Variants in ZC3H12D observed in about 807,000 individuals in gnomAD.
The protein encoded by ZC3H12D is probable ribonuclease ZC3H12D.
ZC3H12D carries 11 observed loss-of-function variants against 24.2 expected under a neutral mutation model. The ratio of observed to expected loss-of-function variants is 0.46; its 90% CI spans 0.29 to 0.75. ZC3H12D has a LOEUF of 0.75. Among genes scored for constraint, ZC3H12D ranks in the 30% least tolerant of loss-of-function variants. The probability of loss-of-function intolerance (pLI) is 0.11; values close to 1 mark genes in which losing one functional copy is unlikely to be tolerated. For missense variants in ZC3H12D, 740 were observed against 767.7 expected, an observed-to-expected ratio of 0.96 and a Z score of 0.43; for synonymous variants, 333 against 341.8, an observed-to-expected ratio of 0.97 and a Z score of 0.28.
At chr6:149,482,364 T>C (rs1458546603) in intron 1 of ZC3H12D, among the ~76,000 whole-genome samples, 1 of 152,234 alleles carries the variant, frequency 6.6e-6, no homozygotes, top group Non-Finnish European at 1.5e-5. Context: ...TCCTTCCTAT[T>C]TTGAAGACCT....
Position 149,456,637 on chromosome 6 carries a change from C to CCGGGG in ZC3H12D, c.680+28_680+29insCCCCG. ...CCCGGCCCCCCGCCCCGCCGCCCCCCAGGGTGTCAGGACCCCAGCCGGACC... is the reference window on the plus strand; with the variant it reads ...CCCGGCCCCCCGCCCCGCCGCCCCCCCGGGGAGGGTGTCAGGACCCCAGCCGGACC... On this transcript the variant is annotated intron_variant, in intron 4 of 5. Transcript: ENST00000409806. This position sits in a 1 kb window ranked among gnomAD's most constrained non-coding sequence, Gnocchi z 4.3. 1 of 1,554,914 alleles carries CCGGGG rather than the reference C, an allele frequency of 6.4e-7. No homozygotes were observed. Among genetic ancestry groups the CCGGGG allele is most frequent in the South Asian group, 1.1e-5 (1 of 89,992 alleles).
Position 149,474,230 on chromosome 6 carries a change from G to A in ZC3H12D, c.305+9C>T, listed in dbSNP as rs1776293580. The A allele has an allele frequency of 6.8e-7, 1 of 1,470,216 alleles. No individual in the cohort carries two copies. The highest frequency in any genetic ancestry group is 9.1e-7 in the Non-Finnish European group (1 of 1,101,050). The allele number at this position is 1,470,216 out of a possible 1,614,324, so 91.1% of individuals were successfully genotyped here. ...CCCCAGCCCCAGCTACAGGATGAAG[G>A]GAAGCTACCTCATCGCCACGTTGCT... On this transcript the variant is annotated intron_variant, in intron 2 of 5. Transcript: ENST00000409806.
At chr6:149,469,195 A>C (rs377172441) in intron 2 of ZC3H12D, among the ~76,000 whole-genome samples, 6 of 152,132 alleles carry the variant, frequency 3.9e-5, no homozygotes, top group Admixed American at 6.5e-5. Flanking sequence ...CGATGGCTCA[A>C]GCCTGTAATC....
rs1733757289 is a variant in ZC3H12D, at chr6:149,456,722, G to C, written c.624C>G (p.Pro208=). The change falls in exon 4 of 6, where the codon CCC becomes CCG. Residue 208 remains proline, a synonymous_variant. Transcript: ENST00000409806. This position sits in a 1 kb window ranked among gnomAD's most constrained non-coding sequence, Gnocchi z 4.3. ...DNYRDLQSEN[P]EWKWFIEQRL... is the part of the protein sequence containing the mutation. ...TCTGCTCGATGAACCACTTCCACTC[G>C]GGGTTCTCGCTCTGCAGGTCCCGGT... 1.2e-6 allele frequency: 2 copies of C among 1,613,520 alleles called. No homozygotes were observed. The highest frequency in any genetic ancestry group is 1.7e-6 in the Non-Finnish European group (2 of 1,179,704).
chr6:149,461,352 A>G (rs112282169), intron 3 of ZC3H12D, among the ~76,000 whole-genome samples: 24 of 147,426 alleles, frequency 1.6e-4, no homozygotes, highest in African/African-American at 4.1e-4. Flanking sequence ...AAAAAAAAAA[A>G]AAGAAGAAGA....
At chr6:149,480,151 A>G (rs138334532) in intron 1 of ZC3H12D, among the ~76,000 whole-genome samples, 1 of 152,344 alleles carries the variant, frequency 6.6e-6, no homozygotes, top group Non-Finnish European at 1.5e-5. Context: ...AGCTCTATGA[A>G]AACAAAATAA....
intron 2 of ZC3H12D, among the ~76,000 whole-genome samples, chr6:149,470,344 A>G (rs1776224828): frequency 6.6e-6 from 1 of 152,094 alleles, no homozygotes; most frequent in African/African-American, 2.4e-5. Context: ...TGGGCAACAC[A>G]GTGAGACTGT....
At chr6:149,478,829 TG>T in intron 1 of ZC3H12D, among the ~76,000 whole-genome samples, 1 of 152,126 alleles carries the variant, frequency 6.6e-6, no homozygotes, top group South Asian at 2.1e-4. Context: ...ACCTGATGAC[TG>T]TAACAGCCTC....
intron 1 of ZC3H12D, among the ~76,000 whole-genome samples, chr6:149,482,360 C>T (rs565405868): frequency 7.2e-5 from 11 of 152,380 alleles, no homozygotes; most frequent in African/African-American, 2.6e-4. Context: ...TTCCTCCTTC[C>T]TATTTTGAAG....
Position 149,450,943 on chromosome 6 carries a change from G to A in ZC3H12D, c.1324C>T (p.Arg442Cys), listed in dbSNP as rs771482475. 4.6e-6 allele frequency: 7 copies of A among 1,537,420 alleles called. No individual in the cohort carries two copies. In the East Asian group the frequency reaches 9.8e-5, roughly 21 times the overall value. Residue 442 changes from arginine (R) to cysteine (C), a missense_variant, in exon 6 of 6, where the codon CGC becomes TGC. Transcript: ENST00000409806. ...GAGCGCCCAGGGAAGCGGTCGGAGC[G>A]GGGTGGACGGGCCCACGGGTCGTCG... ...PPDDPWARPP[R>C]SDRFPGRSVW...
intron 4 of ZC3H12D, among the ~76,000 whole-genome samples, chr6:149,453,760 G>A (rs529897492): frequency 6.6e-6 from 1 of 152,172 alleles, no homozygotes; most frequent in Non-Finnish European, 1.5e-5. Flanking sequence ...CTCCAGAAAA[G>A]CCAGGAGTGG....
chr6:149,447,658 T>C lies in ZC3H12D; in HGVS notation c.*3025A>G, dbSNP rs1775806541. The C allele has an allele frequency of 6.6e-6, 1 of 152,242 alleles. No homozygotes were observed. Among genetic ancestry groups the C allele is most frequent in the Admixed American group, 6.5e-5 (1 of 15,284 alleles). 9.4% of individuals were successfully genotyped at this position (152,242 alleles called of 1,614,324 possible). A position where few individuals can be genotyped will look rare whatever the true frequency, so the allele number is the denominator to read the frequency against. On this transcript the variant is annotated 3_prime_UTR_variant, in exon 6 of 6. Coordinates refer to ENST00000409806, the MANE Select transcript of ZC3H12D (RefSeq NM_207360.3). ...TAAAAAATGATTTATTTTTGAAGCATGGTTAACAGCTATGCAACTAGGAAC... is the reference window on the plus strand; with the variant it reads ...TAAAAAATGATTTATTTTTGAAGCACGGTTAACAGCTATGCAACTAGGAAC...
At position 149,474,360 on chromosome 6, in the gene ZC3H12D, C is replaced by T. The variant is rs772276764; in HGVS notation, c.184G>A (p.Gly62Ser). Residue 62 changes from glycine to serine, a missense_variant, in exon 2 of 6, where the codon GGC becomes AGC. Coordinates refer to ENST00000409806, the MANE Select transcript of ZC3H12D (RefSeq NM_207360.3). ...HPAAPRLVPR[G>S]SCGVPDSAQR... ...GCAGAGTCCGGGACCCCACAGGAGC[C>T]CCGAGGCACTAGCCTGGGTGCAGCC... is the stretch of plus-strand genomic sequence containing the variant. 1.2e-6 allele frequency: 2 copies of T among 1,607,234 alleles called. No individual in the cohort carries two copies. Among genetic ancestry groups the T allele is most frequent in the South Asian group, 2.2e-5 (2 of 90,502 alleles).
intron 1 of ZC3H12D, among the ~76,000 whole-genome samples, chr6:149,478,667 AC>A (rs754594099): frequency 3.9e-5 from 6 of 152,146 alleles, no homozygotes; most frequent in Non-Finnish European, 7.3e-5. Context: ...CATAGTTGAC[AC>A]CATGTAGGTG....
In ZC3H12D at chr6:149,474,387, G is replaced by A; in HGVS notation, c.157C>T (p.Pro53Ser). 6.2e-7 allele frequency: 1 copy of A among 1,608,122 alleles called. No homozygotes were observed. The change falls in exon 2 of 6, where the codon CCG becomes TCG. Residue 53 changes from proline to serine, a missense_variant. By Grantham distance (74) the Pro-to-Ser change is moderately conservative. Coordinates refer to ENST00000409806, the MANE Select transcript of ZC3H12D (RefSeq NM_207360.3). ...TGSRPGALEH[P>S]AAPRLVPRGS... is the part of the protein sequence containing the mutation. ...CGAGGCACTAGCCTGGGTGCAGCCG[G>A]GTGCTCCAGGGCACCCGGGCGGCTG...
At chr6:149,478,714 G>A (rs1480843110) in intron 1 of ZC3H12D, among the ~76,000 whole-genome samples, 1 of 152,048 alleles carries the variant, frequency 6.6e-6, no homozygotes, top group African/African-American at 2.4e-5. Context: ...CAGGGCCCCA[G>A]TACAGAACAT....
chr6:149,451,377 G>A lies in ZC3H12D; in HGVS notation c.890C>T (p.Ala297Val), dbSNP rs745531513. 3 of 1,548,026 alleles carry A rather than the reference G, an allele frequency of 1.9e-6. No homozygotes were observed. The highest frequency in any genetic ancestry group is 8.6e-7 in the Non-Finnish European group (1 of 1,159,318). ...CTCCTCGGCGCCCGCGCCAGGCCGG[G>A]CCCCTGTCTTGGCGCGGAGCTCGTC... ...VADELRAKTGARPGAGAEEQR... is the reference protein window; with the variant it reads ...VADELRAKTGVRPGAGAEEQR... The change falls in exon 6 of 6, where the codon GCC (alanine) becomes GTC (valine). Residue 297 changes from alanine to valine, a missense_variant. Coordinates refer to ENST00000409806, the MANE Select transcript of ZC3H12D (RefSeq NM_207360.3).
chr6:149,450,968 G>A lies in ZC3H12D; in HGVS notation c.1299C>T (p.Pro433=). 3 of 1,523,970 alleles carry A rather than the reference G, an allele frequency of 2.0e-6. No homozygotes were observed. The highest frequency in any genetic ancestry group is 2.6e-6 in the Non-Finnish European group (3 of 1,137,970). 94.4% of individuals were successfully genotyped at this position (1,523,970 alleles called of 1,614,324 possible). ...GGGGTGGACGGGCCCACGGGTCGTCGGGTGGCCTGCGCGGGGAAAGCAAGT... is the reference window on the plus strand; with the variant it reads ...GGGGTGGACGGGCCCACGGGTCGTCAGGTGGCCTGCGCGGGGAAAGCAAGT... ...HGDLLSPRRP[P]DDPWARPPRS... is the part of the protein sequence containing the mutation. Residue 433 remains proline (P), a synonymous_variant, in exon 6 of 6, where the codon CCC becomes CCT. Coordinates refer to ENST00000409806, the MANE Select transcript of ZC3H12D (RefSeq NM_207360.3).
At position 149,462,312 on chromosome 6, in the gene ZC3H12D, T is replaced by C. The variant is rs139402749; in HGVS notation, c.306-342A>G. Among the ~76,000 whole-genome samples the C allele has an allele frequency of 5.8e-3, 884 of 152,134 alleles. 8 individuals carry two copies. Among genetic ancestry groups the C allele is most frequent in the Middle Eastern group, 0.024 (7 of 294 alleles). ...TCACTTGAACCCGAAAGATGGAGGA[T>C]TCAGTGAGCTGCAATCCCACCACTG... On this transcript the variant is annotated intron_variant, in intron 2 of 5. Coordinates refer to ENST00000409806, the MANE Select transcript of ZC3H12D (RefSeq NM_207360.3).
Sources: allele counts gnomAD v4.1 joint callset (sites outside exome capture counted in the v4.1 genomes callset), GRCh38; gene constraint gnomAD v4.1.1; non-coding constraint Gnocchi (gnomAD v3.1); transcripts MANE v1.5; gene names NCBI Gene and HGNC (gene_info 2026-07-23, HGNC 2026-07-21).